Variants in ATP11B observed in about 807,000 individuals in gnomAD.
ATP11B encodes the protein phospholipid-transporting ATPase IF.
Under a neutral mutation model 157.8 loss-of-function variants are expected in ATP11B, and 81 were observed. The observed-to-expected ratio is 0.51, with a 90% confidence interval of 0.43 to 0.62. The LOEUF is 0.62. Ranked by LOEUF, ATP11B falls within the 20% of genes least tolerant of loss-of-function variation. The pLI, the probability that ATP11B is intolerant of heterozygous loss-of-function variation, is 0.00. For missense variants in ATP11B, 1,165 were observed against 1,402.2 expected, an observed-to-expected ratio of 0.83 and a Z score of 2.70; for synonymous variants, 451 against 469.4, an observed-to-expected ratio of 0.96 and a Z score of 0.51.
At chr3:182,801,905 A>G (rs995716119) in intron 1 of ATP11B, among the ~76,000 whole-genome samples, 3 of 152,200 alleles carry the variant, frequency 2.0e-5, no homozygotes, top group Non-Finnish European at 4.4e-5. Context: ...GAATCTGTCA[A>G]ATTCTAAGCA....
intron 4 of ATP11B, 133 bp from the exon 5 acceptor site, chr3:182,835,902 T>C: frequency 3.3e-6 from 2 of 605,034 alleles, no homozygotes; most frequent in Non-Finnish European, 5.7e-6. Context: ...CCTATGAGCA[T>C]GTGCATCCAA....
At chr3:182,828,814 T>C (rs562381364) in intron 3 of ATP11B, among the ~76,000 whole-genome samples, 89 of 152,024 alleles carry the variant, frequency 5.9e-4, no homozygotes, top group African/African-American at 2.1e-3. Flanking sequence ...AGAACTTGAG[T>C]ATAAATCAAG....
intron 7 of ATP11B, among the ~76,000 whole-genome samples, chr3:182,839,593 A>G (rs949870047): frequency 3.3e-5 from 5 of 151,806 alleles, no homozygotes; most frequent in Non-Finnish European, 7.4e-5. Context: ...TTTCTTTTCC[A>G]TTTTTTAAAT....
intron 1 of ATP11B, among the ~76,000 whole-genome samples, chr3:182,807,429 A>G (rs1716392569): frequency 2.0e-5 from 3 of 152,218 alleles, no homozygotes; most frequent in African/African-American, 7.2e-5. Context: ...CCTGGCTTAT[A>G]TCTTAATGTG....
chr3:182,898,854 T>C, intron 28 of ATP11B, 82 bp downstream of exon 28: 1 of 994,358 alleles, frequency 1.0e-6, no homozygotes, highest in Non-Finnish European at 1.4e-6. Context: ...AATTTGATTA[T>C]GTCAGAAAAT....
intron 4 of ATP11B, among the ~76,000 whole-genome samples, chr3:182,835,700 TA>T (rs10708300): frequency 0.12 from 18,320 of 152,166 alleles, 1,234 homozygotes; most frequent in African/African-American, 0.18. Context: ...ATATTTATAC[TA>T]TTTGAAGACA....
chr3:182,898,200 G>A (rs1156719896), intron 27 of ATP11B, among the ~76,000 whole-genome samples: 4 of 152,108 alleles, frequency 2.6e-5, no homozygotes, highest in East Asian at 1.9e-4. Context: ...ACTAGTATTC[G>A]TGAGTACATT....
At chr3:182,804,003 C>A (rs181340305) in intron 1 of ATP11B, among the ~76,000 whole-genome samples, 11 of 151,950 alleles carry the variant, frequency 7.2e-5, no homozygotes, top group Non-Finnish European at 1.2e-4. Flanking sequence ...TTTCTTTTTA[C>A]AATTATACTG....
intron 1 of ATP11B, among the ~76,000 whole-genome samples, chr3:182,796,127 G>A (rs1391933126): frequency 6.6e-6 from 1 of 152,148 alleles, no homozygotes; most frequent in Non-Finnish European, 1.5e-5. Context: ...TTGAGAAGAT[G>A]GAAAAATCAG....
At chr3:182,837,888 A>G (rs2108511831) in intron 7 of ATP11B, among the ~76,000 whole-genome samples, 1 of 152,190 alleles carries the variant, frequency 6.6e-6, no homozygotes, top group African/African-American at 2.4e-5. Flanking sequence ...CCTACCAATT[A>G]TATGTGGGCT....
chr3:182,861,559 G>A (rs1292510305), intron 12 of ATP11B, among the ~76,000 whole-genome samples: 2 of 152,186 alleles, frequency 1.3e-5, no homozygotes, highest in Non-Finnish European at 2.9e-5. Context: ...AAATCAGAGG[G>A]AAGGTTGTAA....
At position 182,804,370 on chromosome 3, in the gene ATP11B, C is replaced by T. The variant is rs541558660; in HGVS notation, c.27+10584C>T. 3.8e-4 allele frequency among the ~76,000 whole-genome samples: 57 copies of T among 151,832 alleles called. No homozygotes were observed. The East Asian group carries it at 5.2e-3, about 14-fold the overall frequency. ...AGGCCATTCTCCTACCTCAGCCTCC[C>T]GAGTAGCTGGGACTACAGGCACCCG... On this transcript the variant is annotated intron_variant, in intron 1 of 29. Coordinates refer to ENST00000323116, the MANE Select transcript of ATP11B (RefSeq NM_014616.3).
chr3:182,831,378 T>C (rs1253340231), intron 4 of ATP11B, among the ~76,000 whole-genome samples: 1 of 152,168 alleles, frequency 6.6e-6, no homozygotes, highest in African/African-American at 2.4e-5. Flanking sequence ...AGTTCTCTCA[T>C]TTCCGCTCTT....
At chr3:182,916,323 T>G in intron 29 of ATP11B, 2 of 985,366 alleles carry the variant, frequency 2.0e-6, no homozygotes, top group Non-Finnish European at 2.4e-6. Context: ...CTTAGCTGTG[T>G]GTTCCATTGA....
chr3:182,830,375 T>A (rs1339110939), intron 4 of ATP11B, among the ~76,000 whole-genome samples: 1 of 152,098 alleles, frequency 6.6e-6, no homozygotes, highest in African/African-American at 2.4e-5. Flanking sequence ...AACTTTCTCT[T>A]ATGAGTTTAG....
At chr3:182,845,254 G>A (rs1719419221) in intron 8 of ATP11B, among the ~76,000 whole-genome samples, 3 of 152,096 alleles carry the variant, frequency 2.0e-5, no homozygotes, top group East Asian at 1.9e-4. Context: ...CAATCCACCC[G>A]CCTCAGCTTC....
chr3:182,858,092 G>T (rs906425266), intron 11 of ATP11B, 64 bp downstream of exon 11: 9 of 1,422,736 alleles, frequency 6.3e-6, no homozygotes, highest in Non-Finnish European at 7.8e-6. Context: ...TTAGTGCTTT[G>T]GTAGTGACTT....
intron 1 of ATP11B, among the ~76,000 whole-genome samples, chr3:182,794,189 C>T (rs1715446737): frequency 6.6e-6 from 1 of 152,182 alleles, no homozygotes; most frequent in Non-Finnish European, 1.5e-5. Flanking sequence ...CTCTTCCTGC[C>T]TCGAACAATT....
chr3:182,820,431 C>A, intron 2 of ATP11B, 55 bp downstream of exon 2: 2 of 1,240,258 alleles, frequency 1.6e-6, no homozygotes, highest in Non-Finnish European at 2.4e-6. Context: ...TACCCATCAT[C>A]CCAGCACTTT....
Sources: gnomAD v4.1 joint callset for allele counts (sites outside exome capture counted in the v4.1 genomes callset) on GRCh38, gnomAD v4.1.1 for gene constraint, MANE v1.5 for transcripts, NCBI Gene and HGNC (gene_info 2026-07-23, HGNC 2026-07-21) for gene names.